The following MYO5B variants were observed in gnomAD, a reference collection of about 807,000 sequenced individuals.
The protein encoded by MYO5B is myosin VB.
A neutral mutation model predicts 229.3 loss-of-function variants in MYO5B; 143 were observed. The ratio of observed to expected loss-of-function variants is 0.62; its 90% CI spans 0.54 to 0.72. The LOEUF (loss-of-function observed/expected upper bound fraction) is 0.72. Among genes scored for constraint, MYO5B ranks in the 30% least tolerant of loss-of-function variants. The pLI, the probability that MYO5B is intolerant of heterozygous loss-of-function variation, is 0.00. For synonymous variants in MYO5B, 918 were observed against 885.2 expected (o/e 1.04, Z -0.66); for missense variants, 2,321 against 2,331.0 (o/e 1.00, Z 0.09).
chr18:50,030,492 T>C (rs1296002398), intron 4 of MYO5B, among the ~76,000 whole-genome samples: 1 of 147,200 alleles, frequency 6.8e-6, no homozygotes. Context: ...ACTGCTTCCC[T>C]GGAAGATCAT....
chr18:49,850,525 C>T (rs894952052), intron 31 of MYO5B: 2 of 152,176 alleles, frequency 1.3e-5, no homozygotes, highest in African/African-American at 4.8e-5. Context: ...TTTAAAAATA[C>T]TTCTTAAATT....
At chr18:49,977,169 G>C (rs7235670) in intron 9 of MYO5B, among the ~76,000 whole-genome samples, 252 of 152,212 alleles carry the variant, frequency 1.7e-3, no homozygotes, top group African/African-American at 5.7e-3. Flanking sequence ...ACCCTCTTCC[G>C]ACTGTTGATT....
chr18:50,124,969 G>C (rs1243296173), intron 1 of MYO5B, among the ~76,000 whole-genome samples: 1 of 151,876 alleles, frequency 6.6e-6, no homozygotes, highest in Non-Finnish European at 1.5e-5. Context: ...CTCAAATCAA[G>C]GACTGGATAT....
intron 1 of MYO5B, among the ~76,000 whole-genome samples, chr18:50,113,341 T>C (rs2031901487): frequency 6.6e-6 from 1 of 152,226 alleles, no homozygotes; most frequent in Non-Finnish European, 1.5e-5. Flanking sequence ...CAAGAGTCAC[T>C]GATGCCTCCC....
chr18:49,878,029 A>C (rs2276175), intron 24 of MYO5B, 147 bp from the exon 25 acceptor site: 1 of 991,744 alleles, frequency 1.0e-6, no homozygotes, highest in Non-Finnish European at 1.6e-6. Flanking sequence ...TGGCTAAATA[A>C]AGCTAGCCCT....
At chr18:50,105,311 GGATA>G (rs1335080944) in intron 1 of MYO5B, among the ~76,000 whole-genome samples, 1 of 152,112 alleles carries the variant, frequency 6.6e-6, no homozygotes, top group Non-Finnish European at 1.5e-5. Flanking sequence ...CAGGATGACA[GGATA>G]GAGAGGGCTC....
intron 9 of MYO5B, among the ~76,000 whole-genome samples, chr18:49,976,086 A>G (rs572655575): frequency 6.6e-6 from 1 of 152,334 alleles, no homozygotes; most frequent in Non-Finnish European, 1.5e-5. Context: ...CCACCTGGGA[A>G]AGCTGGTAGC....
intron 1 of MYO5B, among the ~76,000 whole-genome samples, chr18:50,111,901 C>T (rs1286873242): frequency 3.9e-5 from 6 of 152,216 alleles, no homozygotes; most frequent in Non-Finnish European, 1.5e-5. Context: ...CTTCAATGCA[C>T]TGCACCTACT....
In MYO5B at chr18:49,995,099, T is replaced by C. The variant is rs1188351287; in HGVS notation, c.613-2668A>G. The stretch of plus-strand genomic sequence containing the variant: ...TACCTGAATCCAAAGTCTGCGTTCA[T>C]TCTACCTACACGGCGTCACAGCACT... On this transcript the variant is annotated intron_variant, in intron 5 of 39. Coordinates refer to ENST00000285039, the MANE Select transcript of MYO5B (RefSeq NM_001080467.3). Among the ~76,000 whole-genome samples, 5 of 152,214 alleles carry C rather than the reference T, an allele frequency of 3.3e-5. 1 individual carries two copies. In the Middle Eastern group the frequency reaches 0.01, roughly 311 times the overall value.
At chr18:50,045,930 C>T (rs1190657377) in intron 2 of MYO5B, among the ~76,000 whole-genome samples, 1 of 152,194 alleles carries the variant, frequency 6.6e-6, no homozygotes, top group Non-Finnish European at 1.5e-5. Context: ...TTCTCCCATA[C>T]CTCAATCTAT....
intron 14 of MYO5B, among the ~76,000 whole-genome samples, chr18:49,945,159 GC>G (rs2025357787): frequency 6.6e-6 from 1 of 152,044 alleles, no homozygotes; most frequent in Non-Finnish European, 1.5e-5. Context: ...ATTTTCCAGA[GC>G]CTCATCCTCA....
At chr18:49,948,091 G>A (rs1452280068) in intron 14 of MYO5B, among the ~76,000 whole-genome samples, 1 of 152,024 alleles carries the variant, frequency 6.6e-6, no homozygotes, top group Non-Finnish European at 1.5e-5. Flanking sequence ...AATTACAGCT[G>A]ACACATAGCT....
rs947440443 is a variant in MYO5B, at chr18:49,877,806, G to A, written c.3353C>T (p.Thr1118Ile). ...ESDSNYPSIS[T>I]SEIGDTEDAL... ...ATCCTCAGTGTCTCCGATCTCAGATGTGGAGATGGAGGGGTAATTGGAGTC... is the reference window on the plus strand; with the variant it reads ...ATCCTCAGTGTCTCCGATCTCAGATATGGAGATGGAGGGGTAATTGGAGTC... Residue 1118 changes from threonine to isoleucine, a missense_variant, in exon 25 of 40, where the codon ACA becomes ATA. Around this residue, in one of 2 missense-constraint regions of MYO5B, gnomAD observed 2,113 missense variants for 2,044.7 expected, o/e 1.03. Transcript: ENST00000285039. 2 of 1,614,012 alleles carry A rather than the reference G, an allele frequency of 1.2e-6. No homozygotes were observed. The highest frequency in any genetic ancestry group is 2.7e-5 in the African/African-American group (2 of 74,928).
chr18:50,182,573 T>C (rs1181080458), intron 1 of MYO5B, among the ~76,000 whole-genome samples: 2 of 152,246 alleles, frequency 1.3e-5, no homozygotes, highest in African/African-American at 2.4e-5. Context: ...TCCATGAATG[T>C]TACTTTGCTG....
intron 12 of MYO5B, 147 bp from the exon 13 acceptor site, chr18:49,954,582 T>C (rs2025470508): frequency 9.1e-7 from 1 of 1,099,614 alleles, no homozygotes; most frequent in Non-Finnish European, 1.4e-6. Context: ...GTGCAAAGAA[T>C]GATTCAACCA....
chr18:50,101,850 G>A (rs542444350), intron 1 of MYO5B, among the ~76,000 whole-genome samples: 78 of 152,268 alleles, frequency 5.1e-4, no homozygotes, highest in African/African-American at 1.8e-3. Flanking sequence ...TCTAGAACCA[G>A]AAATACCATT....
chr18:50,100,821 A>T (rs112645171), intron 1 of MYO5B, among the ~76,000 whole-genome samples: 5,771 of 152,142 alleles, frequency 0.038, 360 homozygotes, highest in African/African-American at 0.13. Context: ...GCATGGCAAG[A>T]CCCCTAGATG....
chr18:50,122,630 G>C lies in MYO5B; in HGVS notation c.28-67252C>G, dbSNP rs1422808083. ...AGAAAGAGAGGGAGGGAGGGAAGGG[G>C]GGGGGAGAGAGAGAGAGAGAGAGAG... On this transcript the variant is annotated intron_variant, in intron 1 of 39. Coordinates refer to ENST00000285039, the MANE Select transcript of MYO5B (RefSeq NM_001080467.3). Among the ~76,000 whole-genome samples the C allele has an allele frequency of 4.3e-3, 50 of 11,578 alleles. 6 individuals carry two copies. In the Admixed American group the frequency reaches 0.046, roughly 11 times the overall value. The allele number at this position is 11,578 out of a possible 152,430, so 7.6% of individuals were successfully genotyped here.
At chr18:49,905,005 C>G (rs1029153375) in intron 19 of MYO5B, among the ~76,000 whole-genome samples, 177 bp from the exon 20 acceptor site, 2 of 152,174 alleles carry the variant, frequency 1.3e-5, no homozygotes, top group African/African-American at 4.8e-5. Flanking sequence ...AGGCATTTGA[C>G]GTTGTGGCTA....
Sources: allele counts gnomAD v4.1 joint callset (sites outside exome capture counted in the v4.1 genomes callset), GRCh38; gene constraint gnomAD v4.1.1; regional missense constraint gnomAD v4.1.1; transcripts MANE v1.5; gene names NCBI Gene and HGNC (gene_info 2026-07-23, HGNC 2026-07-21).